Variants in GBE1 observed in about 807,000 individuals in gnomAD.
The protein encoded by GBE1 is 1,4-alpha-glucan branching enzyme 1.
Under a neutral mutation model 88.8 loss-of-function variants are expected in GBE1, and 70 were observed. The ratio of observed to expected loss-of-function variants is 0.79; its 90% CI spans 0.65 to 0.96. The LOEUF (loss-of-function observed/expected upper bound fraction) is 0.96. GBE1 is among the 40% of genes least tolerant of loss of function. The probability of loss-of-function intolerance (pLI) is 0.00; values close to 1 mark genes in which losing one functional copy is unlikely to be tolerated. For missense variants in GBE1, 872 were observed against 871.0 expected, an observed-to-expected ratio of 1.00 and a Z score of -0.01; for synonymous variants, 284 against 300.1, an observed-to-expected ratio of 0.95 and a Z score of 0.56.
At chr3:81,746,655 T>C (rs1293637652) in intron 1 of GBE1, among the ~76,000 whole-genome samples, 1 of 152,182 alleles carries the variant, frequency 6.6e-6, no homozygotes, top group African/African-American at 2.4e-5. Context: ...CATGAACATA[T>C]ACATTCATAC....
intron 12 of GBE1, among the ~76,000 whole-genome samples, chr3:81,577,285 C>T (rs975678343): frequency 1.3e-5 from 2 of 152,024 alleles, no homozygotes; most frequent in Admixed American, 1.3e-4. Context: ...TGTATATATT[C>T]CCCAGTCTTT....
chr3:81,730,732 T>A (rs1575769130), intron 1 of GBE1, among the ~76,000 whole-genome samples: 2 of 152,246 alleles, frequency 1.3e-5, no homozygotes, highest in South Asian at 2.1e-4. Context: ...AAGACTGAGA[T>A]CCTGTAGGAA....
chr3:81,744,274 A>G (rs796415797), intron 1 of GBE1, among the ~76,000 whole-genome samples: 1 of 124,318 alleles, frequency 8.0e-6, no homozygotes, highest in South Asian at 2.4e-4. Flanking sequence ...GACAGGTAAA[A>G]TATCTCATCA....
intron 6 of GBE1, among the ~76,000 whole-genome samples, chr3:81,643,752 G>T (rs1223288225): frequency 6.6e-6 from 1 of 152,140 alleles, no homozygotes; most frequent in Non-Finnish European, 1.5e-5. Context: ...GGCTCCTCAT[G>T]ATATGGTACA....
intron 7 of GBE1, among the ~76,000 whole-genome samples, chr3:81,630,708 A>G (rs114146999): frequency 1.2e-3 from 184 of 152,286 alleles, no homozygotes; most frequent in African/African-American, 4.3e-3. Flanking sequence ...CAAATTTCCA[A>G]AACGTAATAC....
intron 7 of GBE1, chr3:81,612,336 T>A (rs75879296): frequency 0.093 from 77,977 of 838,438 alleles, 5,818 homozygotes; most frequent in East Asian, 0.34. Context: ...ATTCCAGATT[T>A]CCATTTGATT....
rs576483273 is a variant in GBE1, at chr3:81,520,846, G to A, written c.1934+14349C>T. ...ATACAGGCAAAAGGTTTTTGTTGTC[G>A]TTTTGTTTCTTGATTTTTTTCCTAG... is the stretch of plus-strand genomic sequence containing the variant. On this transcript the variant is annotated intron_variant, in intron 14 of 15. Coordinates refer to ENST00000429644, the MANE Select transcript of GBE1 (RefSeq NM_000158.4). Among the ~76,000 whole-genome samples, 8 of 151,506 alleles carry A rather than the reference G, an allele frequency of 5.3e-5. 1 individual carries two copies. In the South Asian group the frequency reaches 8.3e-4, roughly 16 times the overall value.
intron 7 of GBE1, chr3:81,612,925 GA>G: frequency 7.7e-6 from 3 of 387,920 alleles, no homozygotes; most frequent in Non-Finnish European, 4.9e-6. Context: ...GATGAAGAAG[GA>G]AAAGGAGAAA....
At chr3:81,524,877 CT>C (rs1315081927) in intron 14 of GBE1, among the ~76,000 whole-genome samples, 2 of 151,708 alleles carry the variant, frequency 1.3e-5, no homozygotes, top group African/African-American at 4.8e-5. Flanking sequence ...TGCAACATGT[CT>C]TTTGCTATTC....
intron 7 of GBE1, among the ~76,000 whole-genome samples, chr3:81,600,001 C>A (rs1441581060): frequency 6.6e-6 from 1 of 152,130 alleles, no homozygotes; most frequent in Non-Finnish European, 1.5e-5. Context: ...TGGCTGGGTG[C>A]AGTGGCTCAT....
intron 14 of GBE1, among the ~76,000 whole-genome samples, chr3:81,511,719 C>T (rs1702727276): frequency 6.6e-6 from 1 of 151,946 alleles, no homozygotes; most frequent in South Asian, 2.1e-4. Flanking sequence ...AAAGGGAACA[C>T]TTATATACTG....
intron 14 of GBE1, among the ~76,000 whole-genome samples, chr3:81,521,842 T>A (rs1702878093): frequency 6.6e-6 from 1 of 151,462 alleles, no homozygotes; most frequent in African/African-American, 2.4e-5. Context: ...TATGACACAA[T>A]ACTAGGATAC....
intron 1 of GBE1, among the ~76,000 whole-genome samples, chr3:81,742,525 G>A (rs1248721224): frequency 6.6e-6 from 1 of 152,008 alleles, no homozygotes; most frequent in African/African-American, 2.4e-5. Flanking sequence ...TATCAAAGAA[G>A]GCATAGGCGC....
intron 7 of GBE1, among the ~76,000 whole-genome samples, chr3:81,605,785 AAG>A (rs1704094485): frequency 6.6e-6 from 1 of 152,274 alleles, no homozygotes; most frequent in South Asian, 2.1e-4. Context: ...GGTAGGGAGA[AAG>A]AGGACATAGG....
At chr3:81,659,349 T>G (rs1319141262) in intron 3 of GBE1, among the ~76,000 whole-genome samples, 2 of 151,360 alleles carry the variant, frequency 1.3e-5, no homozygotes, top group Non-Finnish European at 2.9e-5. Context: ...TTTTTTTTAT[T>G]TTTTTTTAGA....
chr3:81,521,467 T>C (rs1051404820), intron 14 of GBE1, among the ~76,000 whole-genome samples: 1 of 151,612 alleles, frequency 6.6e-6, no homozygotes, highest in Non-Finnish European at 1.5e-5. Flanking sequence ...ATTGAAATCC[T>C]AATTTTTAAT....
chr3:81,717,932 T>C (rs904935515), intron 1 of GBE1, among the ~76,000 whole-genome samples: 6 of 151,642 alleles, frequency 4.0e-5, no homozygotes. Context: ...ACTTATGAAA[T>C]ATAAAAGACA....
At chr3:81,734,706 G>A (rs751697205) in intron 1 of GBE1, among the ~76,000 whole-genome samples, 2 of 152,100 alleles carry the variant, frequency 1.3e-5, no homozygotes, top group Non-Finnish European at 2.9e-5. Context: ...CAATGAAGGT[G>A]TTCAGTTCTT....
intron 12 of GBE1, among the ~76,000 whole-genome samples, chr3:81,572,963 G>A (rs926737462): frequency 7.2e-5 from 11 of 152,046 alleles, no homozygotes; most frequent in African/African-American, 2.2e-4. Flanking sequence ...TAGCATTTCC[G>A]TGATAACCAA....
Sources: allele counts gnomAD v4.1 joint callset (sites outside exome capture counted in the v4.1 genomes callset), GRCh38; gene constraint gnomAD v4.1.1; transcripts MANE v1.5; gene names NCBI Gene and HGNC (gene_info 2026-07-23, HGNC 2026-07-21).